CHP2: variants seen among roughly 807,000 people sequenced by gnomAD.
CHP2 encodes calcineurin like EF-hand protein 2, also known as calcineurin B homologous protein 2.
In CHP2, 31 loss-of-function variants were observed where a neutral mutation model predicts 24.7. That is an observed-to-expected ratio of 1.26 (90% CI 0.94 to 1.69). The LOEUF is 1.69. Among genes scored for constraint, CHP2 ranks in the 40% most tolerant of loss-of-function variants. The pLI is 0.00. For missense variants in CHP2, 319 were observed against 261.5 expected (o/e 1.22, Z -1.52); for synonymous variants, 97 against 99.1 (o/e 0.98, Z 0.13).
Position 23,756,197 on chromosome 16 carries a change from A to G in CHP2, c.352+4A>G, listed in dbSNP as rs1212353365. 3 of 1,613,832 alleles carry G rather than the reference A, an allele frequency of 1.9e-6. No homozygotes were observed. Among genetic ancestry groups the G allele is most frequent in the Non-Finnish European group, 2.5e-6 (3 of 1,180,020 alleles). ...AGCAGAAGGAACAAACTTCACTGTG[A>G]GTTTGTGAGGACCTGCACAAGTGAG... On this transcript the variant is annotated splice_donor_region_variant and intron_variant, in intron 4 of 6. Transcript: ENST00000300113.
chr16:23,757,601 G>A lies in CHP2; in HGVS notation c.*18G>A. 1 of 1,611,292 alleles carries A rather than the reference G, an allele frequency of 6.2e-7. No homozygotes were observed. Among genetic ancestry groups the A allele is most frequent in the East Asian group, 2.2e-5 (1 of 44,868 alleles). ...TGAAGTGACTCCGTTTGTGCCTTGG[G>A]CTTGCTCCTGCAACCAGTATCTCCT... is the stretch of plus-strand genomic sequence containing the variant. On this transcript the variant is annotated 3_prime_UTR_variant, in exon 7 of 7. Coordinates refer to ENST00000300113, the MANE Select transcript of CHP2 (RefSeq NM_022097.4).
At position 23,755,647 on chromosome 16, in the gene CHP2, T is replaced by TC. The variant is rs1294978289; in HGVS notation, c.68-13dup. On this transcript the variant is annotated splice_polypyrimidine_tract_variant and intron_variant, in intron 1 of 6. Transcript: ENST00000300113. Reference sequence around the variant, plus strand: ...GCAGAGTCACACACCCCCACCCCACTCTCCTTCCCGCAGTCTCCCAAGCCA... The same window carrying TC: ...GCAGAGTCACACACCCCCACCCCACTCCTCCTTCCCGCAGTCTCCCAAGCCA... The TC allele has an allele frequency of 6.2e-7, 1 of 1,612,744 alleles. No individual in the cohort carries two copies. Among genetic ancestry groups the TC allele is most frequent in the East Asian group, 2.2e-5 (1 of 44,832 alleles).
chr16:23,755,278 T>C (rs1961205862), intron 1 of CHP2, 162 bp downstream of exon 1: 1 of 608,166 alleles, frequency 1.6e-6, no homozygotes, highest in Non-Finnish European at 2.9e-6. Context: ...ATCGCTGGGT[T>C]AGGGGCGGGT....
intron 5 of CHP2, among the ~76,000 whole-genome samples, 179 bp downstream of exon 5, chr16:23,756,628 C>T (rs1325927598): frequency 6.6e-6 from 1 of 152,018 alleles, no homozygotes; most frequent in Admixed American, 6.6e-5. Context: ...GAGTGGGGAG[C>T]AGTTGACTAT....
chr16:23,755,252 G>C, intron 1 of CHP2, 136 bp downstream of exon 1: 1 of 647,582 alleles, frequency 1.5e-6, no homozygotes, highest in Non-Finnish European at 2.6e-6. Context: ...GGAAGACCAA[G>C]GCCCCTGTGC....
chr16:23,757,443 TG>T (rs1440116379), intron 6 of CHP2, 86 bp from the exon 7 acceptor site: 1 of 1,578,002 alleles, frequency 6.3e-7, no homozygotes, highest in Non-Finnish European at 8.7e-7. Context: ...ATGGGGTCTC[TG>T]GAATGGGTAG....
chr16:23,755,879 C>G lies in CHP2; in HGVS notation c.173C>G (p.Ala58Gly), dbSNP rs1269371102. The G allele has an allele frequency of 6.2e-7, 1 of 1,614,118 alleles. No homozygotes were observed. Among genetic ancestry groups the G allele is most frequent in the African/African-American group, 1.3e-5 (1 of 74,934 alleles). Reference sequence around the variant, plus strand: ...GATCTCCAGCAGATAGGGGCGCTCGCCGTGAACCCCCTGGGAGACCGAATT... The same window carrying G: ...GATCTCCAGCAGATAGGGGCGCTCGGCGTGAACCCCCTGGGAGACCGAATT... The part of the protein sequence containing the change: ...RMDLQQIGAL[A>G]VNPLGDRIIE... The change falls in exon 3 of 7, where the codon GCC becomes GGC. Residue 58 changes from alanine (A) to glycine (G), a missense_variant. Transcript: ENST00000300113.
Position 23,757,523 on chromosome 16 carries a change from C to T in CHP2, c.538-7C>T, listed in dbSNP as rs527349622. The T allele has an allele frequency of 6.8e-5, 109 of 1,613,756 alleles. No homozygotes were observed. The South Asian group carries it at 9.8e-4, about 14-fold the overall frequency. On this transcript the variant is annotated splice_region_variant and splice_polypyrimidine_tract_variant and intron_variant, in intron 6 of 6. Coordinates refer to ENST00000300113, the MANE Select transcript of CHP2 (RefSeq NM_022097.4). ...AGCCTCTTGCCTGCCATTTGTTTTT[C>T]CCTCAGTCCTTAGAGAAGATGGACG...
chr16:23,756,300 C>T, intron 4 of CHP2, 88 bp from the exon 5 acceptor site: 1 of 1,584,446 alleles, frequency 6.3e-7, no homozygotes, highest in Non-Finnish European at 8.6e-7. Context: ...AACCTCCCCC[C>T]TCCTCCAAGG....
intron 6 of CHP2, 72 bp downstream of exon 6, chr16:23,757,395 A>G (rs1961240787): frequency 1.9e-6 from 3 of 1,592,830 alleles, no homozygotes; most frequent in African/African-American, 2.7e-5. Context: ...GAAACGTTCA[A>G]CGGAGGAGGG....
chr16:23,755,870 G>A lies in CHP2; in HGVS notation c.164G>A (p.Gly55Glu), dbSNP rs938184925. The A allele has an allele frequency of 1.2e-6, 2 of 1,614,100 alleles. No homozygotes were observed. The highest frequency in any genetic ancestry group is 2.7e-5 in the African/African-American group (2 of 74,934). The change falls in exon 3 of 7, where the codon GGG becomes GAG. Residue 55 changes from glycine to glutamate, a missense_variant. Coordinates refer to ENST00000300113, the MANE Select transcript of CHP2 (RefSeq NM_022097.4). ...YLSRMDLQQIGALAVNPLGDR... is the reference protein window; with the variant it reads ...YLSRMDLQQIEALAVNPLGDR... ...AGCCGCATGGATCTCCAGCAGATAG[G>A]GGCGCTCGCCGTGAACCCCCTGGGA...
chr16:23,755,049 C>G lies in CHP2; in HGVS notation c.-1C>G. On this transcript the variant is annotated 5_prime_UTR_variant, in exon 1 of 7. Coordinates refer to ENST00000300113, the MANE Select transcript of CHP2 (RefSeq NM_022097.4). ...CCGGCCCTTCCGCCTCCAGCTCGGCCATGGGGTCGCGCAGCTCCCACGCCG... is the reference window on the plus strand; with the variant it reads ...CCGGCCCTTCCGCCTCCAGCTCGGCGATGGGGTCGCGCAGCTCCCACGCCG... The G allele has an allele frequency of 6.3e-7, 1 of 1,592,282 alleles. No individual in the cohort carries two copies. Among genetic ancestry groups the G allele is most frequent in the African/African-American group, 1.4e-5 (1 of 73,254 alleles).
rs776943808 is a variant in CHP2 at position 23,757,617 on chromosome 16, A to G, written c.*34A>G. ...GTGCCTTGGGCTTGCTCCTGCAACCAGTATCTCCTTGGAATTCATCCAAAG... is the reference window on the plus strand; with the variant it reads ...GTGCCTTGGGCTTGCTCCTGCAACCGGTATCTCCTTGGAATTCATCCAAAG... On this transcript the variant is annotated 3_prime_UTR_variant, in exon 7 of 7. Coordinates refer to ENST00000300113, the MANE Select transcript of CHP2 (RefSeq NM_022097.4). The G allele has an allele frequency of 2.3e-5, 36 of 1,592,788 alleles. No individual in the cohort carries two copies. The highest frequency in any genetic ancestry group is 2.7e-5 in the Non-Finnish European group (31 of 1,160,712).
chr16:23,755,302 C>G lies in CHP2; in HGVS notation c.67+186C>G, dbSNP rs951218634. On this transcript the variant is annotated intron_variant, in intron 1 of 6. Transcript: ENST00000300113. The stretch of plus-strand genomic sequence containing the variant: ...TTAGGGGCGGGTTAACCTAGGGGTC[C>G]CAGCCTCCAAGTCTGGGGAGGATCC... 1.3e-5 allele frequency: 8 copies of G among 596,500 alleles called. No homozygotes were observed. The African/African-American group carries it at 1.5e-4, about 11-fold the overall frequency. 37.0% of individuals were successfully genotyped at this position (596,500 alleles called of 1,614,324 possible). A position where few individuals can be genotyped will look rare whatever the true frequency, so the allele number is the denominator to read the frequency against.
chr16:23,755,364 C>T lies in CHP2; in HGVS notation c.67+248C>T, dbSNP rs1961206920. 6.7e-6 allele frequency: 4 copies of T among 596,518 alleles called. No homozygotes were observed. The Admixed American group carries it at 1.2e-4, about 18-fold the overall frequency. 37.0% of individuals were successfully genotyped at this position (596,518 alleles called of 1,614,324 possible). ...GTCGGAGTCCAGAGGAATCCAGGCA[C>T]CCAGGTGTCCTCCAGCCCGGCTCGA... On this transcript the variant is annotated intron_variant, in intron 1 of 6. Coordinates refer to ENST00000300113, the MANE Select transcript of CHP2 (RefSeq NM_022097.4).
At chr16:23,757,160 C>G (rs118109714) in intron 5 of CHP2, 41 bp from the exon 6 acceptor site, 11 of 1,612,988 alleles carry the variant, frequency 6.8e-6, no homozygotes, top group Non-Finnish European at 9.3e-6. Context: ...TTGCAGCCTT[C>G]GTGCCCCCTC....
chr16:23,755,921 C>T lies in CHP2; in HGVS notation c.215C>T (p.Pro72Leu). Reference sequence around the variant, plus strand: ...GACCGAATTATAGAAAGCTTCTTCCCCGATGGGTGAGGCTTGCTGGGCGTG... The same window carrying T: ...GACCGAATTATAGAAAGCTTCTTCCTCGATGGGTGAGGCTTGCTGGGCGTG... ...LGDRIIESFF[P>L]DGSQRVDFPG... is the part of the protein sequence containing the mutation. The change falls in exon 3 of 7, where the codon CCC becomes CTC. Residue 72 changes from proline (P) to leucine (L), a missense_variant. By Grantham distance (98) the Pro-to-Leu change is moderately conservative. Transcript: ENST00000300113. The T allele has an allele frequency of 6.2e-7, 1 of 1,614,166 alleles. No homozygotes were observed. The highest frequency in any genetic ancestry group is 8.5e-7 in the Non-Finnish European group (1 of 1,180,030).
chr16:23,757,586 C>T lies in CHP2; in HGVS notation c.*3C>T, dbSNP rs1344670043. Reference sequence around the variant, plus strand: ...TGAGCATCCGGATCCTGAAGTGACTCCGTTTGTGCCTTGGGCTTGCTCCTG... The same window carrying T: ...TGAGCATCCGGATCCTGAAGTGACTTCGTTTGTGCCTTGGGCTTGCTCCTG... On this transcript the variant is annotated 3_prime_UTR_variant, in exon 7 of 7. Transcript: ENST00000300113. 6.2e-7 allele frequency: 1 copy of T among 1,613,772 alleles called. No homozygotes were observed. Among genetic ancestry groups the T allele is most frequent in the South Asian group, 1.1e-5 (1 of 91,062 alleles).
chr16:23,756,353 C>T (rs1368412298), intron 4 of CHP2, 35 bp from the exon 5 acceptor site: 7 of 1,602,104 alleles, frequency 4.4e-6, no homozygotes, highest in Non-Finnish European at 2.6e-6. Flanking sequence ...CCAGGGAAGA[C>T]CTACCTTCCT....
Sources: allele counts gnomAD v4.1 joint callset (sites outside exome capture counted in the v4.1 genomes callset), GRCh38; gene constraint gnomAD v4.1.1; transcripts MANE v1.5; gene names NCBI Gene and HGNC (gene_info 2026-07-23, HGNC 2026-07-21).